UBA2: variants seen among roughly 807,000 people sequenced by gnomAD.
The protein encoded by UBA2 is ubiquitin like modifier activating enzyme 2, also known as SUMO-activating enzyme subunit 2.
In UBA2, 11 loss-of-function variants were observed where a neutral mutation model predicts 77.2. That is an observed-to-expected ratio of 0.14 (90% CI 0.09 to 0.24). The LOEUF is 0.24. Among genes scored for constraint, UBA2 ranks in the 10% least tolerant of loss-of-function variants. The probability of loss-of-function intolerance (pLI) is 1.00; values close to 1 mark genes in which losing one functional copy is unlikely to be tolerated. For missense variants in UBA2, 487 were observed against 781.7 expected (o/e 0.62, Z 4.50); for synonymous variants, 278 against 276.7 (o/e 1.00, Z -0.05).
intron 16 of UBA2, among the ~76,000 whole-genome samples, chr19:34,467,540 C>T (rs556712913): frequency 8.6e-5 from 13 of 151,890 alleles, no homozygotes; most frequent in Non-Finnish European, 1.5e-4. Flanking sequence ...TTTGGGAGGC[C>T]GAGGCGGGCA....
chr19:34,458,192 C>T (rs533985789), intron 12 of UBA2, among the ~76,000 whole-genome samples: 2 of 152,204 alleles, frequency 1.3e-5, no homozygotes, highest in South Asian at 2.1e-4. Flanking sequence ...CAGAAGAACG[C>T]GGAGTCTTAT....
intron 9 of UBA2, among the ~76,000 whole-genome samples, chr19:34,451,641 G>A (rs1293427000): frequency 1.5e-5 from 2 of 136,538 alleles, no homozygotes; most frequent in Admixed American, 8.7e-5. Flanking sequence ...TCCGCCTCCC[G>A]GGTTCGCGCC....
intron 15 of UBA2, 103 bp from the exon 16 acceptor site, chr19:34,466,775 T>G: frequency 1.2e-6 from 1 of 832,080 alleles, no homozygotes; most frequent in Non-Finnish European, 1.8e-6. Flanking sequence ...AATCCACATA[T>G]TTGGTGTATA....
chr19:34,464,133 TA>T lies in UBA2; in HGVS notation c.1604+4del. The T allele has an allele frequency of 6.5e-7, 1 of 1,539,072 alleles. No homozygotes were observed. The highest frequency in any genetic ancestry group is 1.1e-5 in the South Asian group (1 of 89,012). On this transcript the variant is annotated splice_donor_region_variant and intron_variant, in intron 15 of 16. Transcript: ENST00000246548. Reference sequence around the variant, plus strand: ...TTTATTGATCAACATCCTTCATAGGTAAGAGCTATTAGTATTTTAATTGTAA... The same window carrying T: ...TTTATTGATCAACATCCTTCATAGGTAGAGCTATTAGTATTTTAATTGTAA...
At chr19:34,440,341 G>A (rs1221656884) in intron 6 of UBA2, among the ~76,000 whole-genome samples, 1 of 151,664 alleles carries the variant, frequency 6.6e-6, no homozygotes, top group African/African-American at 2.4e-5. Context: ...AAAATAGAAT[G>A]CCTGAATTTA....
intron 8 of UBA2, among the ~76,000 whole-genome samples, chr19:34,447,758 A>G (rs1356079013): frequency 1.3e-5 from 2 of 152,206 alleles, no homozygotes; most frequent in African/African-American, 4.8e-5. Flanking sequence ...CAGCCCTTGA[A>G]TAATAAGTTT....
Position 34,464,139 on chromosome 19 carries a change from C to G in UBA2, c.1604+8C>G, listed in dbSNP as rs1388198031. Reference sequence around the variant, plus strand: ...GATCAACATCCTTCATAGGTAAGAGCTATTAGTATTTTAATTGTAAGAAAT... The same window carrying G: ...GATCAACATCCTTCATAGGTAAGAGGTATTAGTATTTTAATTGTAAGAAAT... On this transcript the variant is annotated splice_region_variant and intron_variant, in intron 15 of 16. Coordinates refer to ENST00000246548, the MANE Select transcript of UBA2 (RefSeq NM_005499.3). 6.6e-7 allele frequency: 1 copy of G among 1,513,232 alleles called. No individual in the cohort carries two copies. Among genetic ancestry groups the G allele is most frequent in the South Asian group, 1.1e-5 (1 of 87,282 alleles). 93.7% of individuals were successfully genotyped at this position (1,513,232 alleles called of 1,614,324 possible). A position where few individuals can be genotyped will look rare whatever the true frequency, so the allele number is the denominator to read the frequency against.
At chr19:34,436,109 ACT>A (rs1055556562) in intron 5 of UBA2, among the ~76,000 whole-genome samples, 15 of 105,524 alleles carry the variant, frequency 1.4e-4, no homozygotes, top group South Asian at 7.5e-4. Flanking sequence ...AACGAGCGAA[ACT>A]CTGTCTCAAA....
intron 16 of UBA2, 186 bp downstream of exon 16, chr19:34,467,200 G>C: frequency 1.5e-6 from 1 of 674,322 alleles, no homozygotes; most frequent in Non-Finnish European, 2.4e-6. Flanking sequence ...GGGTGTGGTG[G>C]CTTACACCTG....
chr19:34,437,131 T>A (rs2075317058), intron 5 of UBA2, among the ~76,000 whole-genome samples: 1 of 151,846 alleles, frequency 6.6e-6, no homozygotes, highest in African/African-American at 2.4e-5. Flanking sequence ...CTGGCTAATT[T>A]TTGCATTTTT....
At chr19:34,461,101 T>C (rs1375046846) in intron 14 of UBA2, among the ~76,000 whole-genome samples, 1 of 152,222 alleles carries the variant, frequency 6.6e-6, no homozygotes, top group East Asian at 1.9e-4. Flanking sequence ...TGCATCGTAG[T>C]TATTCCTCCT....
chr19:34,433,515 A>G (rs1472402682), intron 4 of UBA2, 103 bp downstream of exon 4: 13 of 822,370 alleles, frequency 1.6e-5, no homozygotes, highest in South Asian at 1.5e-4. Context: ...TTTAGAACTT[A>G]AAAGACTTAA....
chr19:34,469,688 T>C lies in UBA2; in HGVS notation c.*467T>C, dbSNP rs552025893. On this transcript the variant is annotated 3_prime_UTR_variant, in exon 17 of 17. Transcript: ENST00000246548. ...GAGTGCTATGCATTGAAACTTGTTT[T>C]TAAATGTTAGATGGCACTATGTATA... 1 of 152,766 alleles carries C rather than the reference T, an allele frequency of 6.5e-6. No individual in the cohort carries two copies. The highest frequency in any genetic ancestry group is 2.1e-4 in the South Asian group (1 of 4,820). 9.5% of individuals were successfully genotyped at this position (152,766 alleles called of 1,614,324 possible). A position where few individuals can be genotyped will look rare whatever the true frequency, so the allele number is the denominator to read the frequency against.
chr19:34,456,184 G>A (rs1294912992), intron 12 of UBA2, among the ~76,000 whole-genome samples: 3 of 136,234 alleles, frequency 2.2e-5, no homozygotes, highest in Non-Finnish European at 3.0e-5. Context: ...ATGTGATCTC[G>A]GCTCACTGCA....
intron 16 of UBA2, among the ~76,000 whole-genome samples, chr19:34,468,694 T>G (rs1195182098): frequency 6.6e-6 from 1 of 152,210 alleles, no homozygotes; most frequent in Non-Finnish European, 1.5e-5. Flanking sequence ...TGGCACATTG[T>G]AAGTGCTGTA....
chr19:34,429,117 G>T, intron 1 of UBA2: 1 of 982,942 alleles, frequency 1.0e-6, no homozygotes, highest in Non-Finnish European at 1.2e-6. Flanking sequence ...ATTTTTAACA[G>T]ATGAGGAAAG....
intron 4 of UBA2, among the ~76,000 whole-genome samples, chr19:34,434,167 T>A (rs1247813228): frequency 1.3e-5 from 2 of 152,156 alleles, no homozygotes; most frequent in African/African-American, 4.8e-5. Flanking sequence ...CAGACTAGAG[T>A]GCACTGGTGT....
chr19:34,451,518 CCT>C, intron 9 of UBA2, among the ~76,000 whole-genome samples: 1 of 145,420 alleles, frequency 6.9e-6, no homozygotes, highest in Non-Finnish European at 1.5e-5. Context: ...TTGTACCTTT[CCT>C]ATCTCAGGTT....
At chr19:34,457,178 AAATATATAT>A (rs1346476475) in intron 12 of UBA2, among the ~76,000 whole-genome samples, 44 of 89,738 alleles carry the variant, frequency 4.9e-4, no homozygotes, top group Admixed American at 2.1e-3. Flanking sequence ...AAAAAAAAAA[AAATATATAT>A]ATATATATAT....
Sources: gnomAD v4.1 joint callset for allele counts (sites outside exome capture counted in the v4.1 genomes callset) on GRCh38, gnomAD v4.1.1 for gene constraint, MANE v1.5 for transcripts, NCBI Gene and HGNC (gene_info 2026-07-23, HGNC 2026-07-21) for gene names.